The following SEC22C variants were observed in gnomAD, a reference collection of about 807,000 sequenced individuals.
The protein encoded by SEC22C is SEC22 homolog C, vesicle trafficking protein.
SEC22C carries 29 observed loss-of-function variants against 34.7 expected under a neutral mutation model. That is an observed-to-expected ratio of 0.84 (90% CI 0.62 to 1.14). The LOEUF (loss-of-function observed/expected upper bound fraction) is 1.14. SEC22C is among the 50% of genes most tolerant of loss of function. The pLI, the probability that SEC22C is intolerant of heterozygous loss-of-function variation, is 0.00. For missense variants in SEC22C, 337 were observed against 369.0 expected (o/e 0.91, Z 0.71); for synonymous variants, 117 against 132.8 (o/e 0.88, Z 0.82).
intron 1 of SEC22C, chr3:42,580,339 A>G (rs1559530837): frequency 6.6e-6 from 1 of 152,268 alleles, no homozygotes; most frequent in Non-Finnish European, 1.5e-5. Flanking sequence ...GCACACAAAT[A>G]TTCAAACACA....
rs751050034 is a variant in SEC22C at position 42,563,505 on chromosome 3, T to C, written c.346+18A>G. 10 of 1,595,974 alleles carry C rather than the reference T, an allele frequency of 6.3e-6. No homozygotes were observed. The highest frequency in any genetic ancestry group is 2.3e-5 in the South Asian group (2 of 88,112). ...ACACCATGGAAGAGAAAAATAAATA[T>C]GAAAGAGGGTTACAAACCAAACTCA... is the stretch of plus-strand genomic sequence containing the variant. On this transcript the variant is annotated intron_variant, in intron 3 of 6. Transcript: ENST00000264454.
intron 1 of SEC22C, chr3:42,591,141 C>A: frequency 1.5e-6 from 1 of 687,872 alleles, no homozygotes; most frequent in Non-Finnish European, 2.5e-6. Flanking sequence ...GGGGCAGGAC[C>A]CCGGCATGGG....
intron 4 of SEC22C, among the ~76,000 whole-genome samples, chr3:42,559,151 G>A (rs541254535): frequency 4.9e-4 from 74 of 152,180 alleles, no homozygotes; most frequent in African/African-American, 1.8e-3. Flanking sequence ...CCATTCTCTC[G>A]CTATACTCCT....
At chr3:42,599,080 C>T in intron 1 of SEC22C, among the ~76,000 whole-genome samples, 1 of 151,678 alleles carries the variant, frequency 6.6e-6, no homozygotes, top group Non-Finnish European at 1.5e-5. Context: ...ATTCTTCTGC[C>T]TCAGCCTCCC....
rs753898515 is a variant in SEC22C at position 42,568,963 on chromosome 3, T to C, written c.84A>G (p.Gln28=). 7 of 1,614,032 alleles carry C rather than the reference T, an allele frequency of 4.3e-6. No individual in the cohort carries two copies. In the South Asian group the frequency reaches 4.4e-5, roughly 10 times the overall value. Residue 28 remains glutamine, a synonymous_variant, in exon 2 of 7, where the codon CAA becomes CAG. Coordinates refer to ENST00000264454, the MANE Select transcript of SEC22C (RefSeq NM_032970.4). ...LSASTDFYHT[Q]DFLEWRRRLK... ...GCCGTCTCCTCCATTCCAAAAAATCTTGGGTGTGGTAAAAATCAGTAGAGG... is the reference window on the plus strand; with the variant it reads ...GCCGTCTCCTCCATTCCAAAAAATCCTGGGTGTGGTAAAAATCAGTAGAGG...
rs1702212686 is a variant in SEC22C, at chr3:42,550,742, T to A, written c.*2506A>T. 7.1e-6 allele frequency: 7 copies of A among 985,378 alleles called. No homozygotes were observed. Among genetic ancestry groups the A allele is most frequent in the Non-Finnish European group, 8.4e-6 (7 of 829,936 alleles). The allele number at this position is 985,378 out of a possible 1,614,324, so 61.0% of individuals were successfully genotyped here. A position where few individuals can be genotyped will look rare whatever the true frequency, so the allele number is the denominator to read the frequency against. On this transcript the variant is annotated 3_prime_UTR_variant, in exon 7 of 7. Coordinates refer to ENST00000264454, the MANE Select transcript of SEC22C (RefSeq NM_032970.4). The stretch of plus-strand genomic sequence containing the variant: ...GAAGGACTCATCTTCAAGGACCGTT[T>A]CTTTACTGCCTGCTGAATATGGATC...
At chr3:42,595,859 A>C (rs2125743158) in intron 1 of SEC22C, among the ~76,000 whole-genome samples, 1 of 152,224 alleles carries the variant, frequency 6.6e-6, no homozygotes, top group East Asian at 1.9e-4. Context: ...CTGTTTCCTC[A>C]CCTCTAAAGT....
intron 2 of SEC22C, among the ~76,000 whole-genome samples, chr3:42,567,140 G>A (rs1337050943): frequency 2.0e-5 from 3 of 152,082 alleles, no homozygotes; most frequent in East Asian, 1.9e-4. Context: ...TGAACTTCGC[G>A]ATCTTCCCGC....
chr3:42,559,573 T>A (rs1702748016), intron 4 of SEC22C, among the ~76,000 whole-genome samples: 4 of 152,180 alleles, frequency 2.6e-5, no homozygotes, highest in Non-Finnish European at 5.9e-5. Flanking sequence ...CACATTAAAC[T>A]AAAACACAAA....
rs76247956 is a variant in SEC22C, at chr3:42,561,417, C to G, written c.347-121G>C. On this transcript the variant is annotated intron_variant, in intron 3 of 6. Coordinates refer to ENST00000264454, the MANE Select transcript of SEC22C (RefSeq NM_032970.4). ...AGATAGGGTCTCACTGTCGCCCACT[C>G]TGGAGTGCAGTGCAGTGGTGCGATC... The G allele has an allele frequency of 1.3e-3, 1,296 of 972,926 alleles. 10 individuals are homozygous for G. In the African/African-American group the frequency reaches 0.019, roughly 14 times the overall value. 60.3% of individuals were successfully genotyped at this position (972,926 alleles called of 1,614,324 possible). A position where few individuals can be genotyped will look rare whatever the true frequency, so the allele number is the denominator to read the frequency against.
At chr3:42,577,833 G>T (rs147811731) in intron 1 of SEC22C, among the ~76,000 whole-genome samples, 3,178 of 152,200 alleles carry the variant, frequency 0.021, 131 homozygotes, top group African/African-American at 0.072. Flanking sequence ...AGCTAGGCAT[G>T]GTGGTGGGCA....
rs994864927 is a variant in SEC22C at position 42,600,864 on chromosome 3, T to C, written c.-28+96A>G. On this transcript the variant is annotated intron_variant, in intron 1 of 6. Transcript: ENST00000417572. ...GGGGCCTCGTCTTGGCCTCCTGCGC[T>C]GTCGCGACGGGCCGGCGTGAGGCAC... is the stretch of plus-strand genomic sequence containing the variant. 3 of 568,006 alleles carry C rather than the reference T, an allele frequency of 5.3e-6. No homozygotes were observed. In the African/African-American group the frequency reaches 5.9e-5, roughly 11 times the overall value. The allele number at this position is 568,006 out of a possible 1,614,324, so 35.2% of individuals were successfully genotyped here.
intron 1 of SEC22C, among the ~76,000 whole-genome samples, chr3:42,592,420 A>C (rs1323250554): frequency 6.6e-6 from 1 of 152,166 alleles, no homozygotes; most frequent in Non-Finnish European, 1.5e-5. Context: ...GACTGGTCTC[A>C]AACTCCTGAC....
chr3:42,557,603 A>G lies in SEC22C; in HGVS notation c.620T>C (p.Val207Ala). ...CTGTAAAGAATGTTCTGCAAGGTGA[A>G]CTCCTCGAATGAGATTCAGGGCAGC... ...MCAALNLIRG[V>A]HLAEHSLQVA... Residue 207 changes from valine to alanine, a missense_variant, in exon 5 of 7, where the codon GTT becomes GCT. Transcript: ENST00000264454. 4.4e-6 allele frequency: 7 copies of G among 1,591,706 alleles called. No individual in the cohort carries two copies. Among genetic ancestry groups the G allele is most frequent in the Non-Finnish European group, 6.0e-6 (7 of 1,166,782 alleles).
At chr3:42,597,711 T>A (rs1705070324) in intron 1 of SEC22C, among the ~76,000 whole-genome samples, 1 of 152,222 alleles carries the variant, frequency 6.6e-6, no homozygotes. Flanking sequence ...AATATGAGAT[T>A]TTGTTGCAAT....
intron 1 of SEC22C, among the ~76,000 whole-genome samples, chr3:42,570,801 AT>A (rs760772976): frequency 1.3e-4 from 20 of 152,134 alleles, no homozygotes; most frequent in Non-Finnish European, 2.6e-4. Context: ...ATTTTAAAAC[AT>A]TTTTTAAAAA....
At chr3:42,598,230 AT>A (rs1486793063) in intron 1 of SEC22C, among the ~76,000 whole-genome samples, 1 of 152,210 alleles carries the variant, frequency 6.6e-6, no homozygotes, top group Non-Finnish European at 1.5e-5. Context: ...ATACAATGGA[AT>A]ATTATTCAGC....
chr3:42,550,501 TCTTC>T lies in SEC22C; in HGVS notation c.*2743_*2746del. 1.0e-6 allele frequency: 1 copy of T among 985,462 alleles called. No homozygotes were observed. The allele number at this position is 985,462 out of a possible 1,614,324, so 61.0% of individuals were successfully genotyped here. ...CAGAACTTCTTTCCTATTTTCAGTCTCTTCCTTCAGTGAGCTGAGGATTCTTTTA... is the reference window on the plus strand; with the variant it reads ...CAGAACTTCTTTCCTATTTTCAGTCTCTTCAGTGAGCTGAGGATTCTTTTA... On this transcript the variant is annotated 3_prime_UTR_variant, in exon 7 of 7. Transcript: ENST00000264454.
intron 1 of SEC22C, chr3:42,591,076 G>A (rs1192792459): frequency 1.6e-6 from 2 of 1,253,890 alleles, no homozygotes; most frequent in East Asian, 2.5e-5. Context: ...GACTGTGAAG[G>A]GTGCTGAGCA....
Sources: gnomAD v4.1 joint callset for allele counts (sites outside exome capture counted in the v4.1 genomes callset) on GRCh38, gnomAD v4.1.1 for gene constraint, MANE v1.5 for transcripts, NCBI Gene and HGNC (gene_info 2026-07-23, HGNC 2026-07-21) for gene names.